POMK: variants seen among roughly 807,000 people sequenced by gnomAD.
POMK encodes Sugen kinase 196.
POMK carries 19 observed loss-of-function variants against 23.0 expected under a neutral mutation model. The observed-to-expected ratio is 0.83, with a 90% CI of 0.58 to 1.21. The LOEUF is 1.21. Ranked by LOEUF, POMK falls within the 50% of genes most tolerant of loss-of-function variation. POMK has a pLI of 0.00. For synonymous variants in POMK, 173 were observed against 171.6 expected (o/e 1.01, Z -0.06); for missense variants, 410 against 431.3 (o/e 0.95, Z 0.44).
rs1420479544 is a variant in POMK, at chr8:43,122,163, G to A, written c.339G>A (p.Leu113=). 1.2e-6 allele frequency: 2 copies of A among 1,614,058 alleles called. No homozygotes were observed. The change falls in exon 5 of 5, where the codon CTG becomes CTA. Residue 113 remains leucine (L), a synonymous_variant. Transcript: ENST00000331373. ...TTGCACTCTCACAGCTCACCAGCCTGGAGATGAAAGATGATTTCCTCCATG... is the reference window on the plus strand; with the variant it reads ...TTGCACTCTCACAGCTCACCAGCCTAGAGATGAAAGATGATTTCCTCCATG... The part of the protein sequence containing the change: ...HKVALSQLTS[L]EMKDDFLHGL...
chr8:43,114,529 T>G (rs1316630234), intron 4 of POMK, among the ~76,000 whole-genome samples: 2 of 152,198 alleles, frequency 1.3e-5, no homozygotes, highest in Admixed American at 6.5e-5. Context: ...TTTCTTTGAC[T>G]AGGAAAGGGA....
intron 4 of POMK, among the ~76,000 whole-genome samples, chr8:43,113,182 C>T (rs1811716302): frequency 6.6e-6 from 1 of 152,184 alleles, no homozygotes; most frequent in Non-Finnish European, 1.5e-5. Context: ...TGGAAGTTCT[C>T]CTGGATAATA....
At chr8:43,100,115 G>T (rs1390025849) in intron 2 of POMK, among the ~76,000 whole-genome samples, 1 of 152,176 alleles carries the variant, frequency 6.6e-6, no homozygotes, top group Non-Finnish European at 1.5e-5. Context: ...CAGGGAGCTG[G>T]GGATGGAAGT....
At position 43,122,891 on chromosome 8, in the gene POMK, C is replaced by A; in HGVS notation, c.*14C>A. ...GAGATGCTGTGAAAACCAGTCCAGC[C>A]AATGAAGGTGGGATTGAAGGGCTGA... On this transcript the variant is annotated 3_prime_UTR_variant, in exon 5 of 5. Transcript: ENST00000331373. 1 of 1,589,486 alleles carries A rather than the reference C, an allele frequency of 6.3e-7. No homozygotes were observed. The highest frequency in any genetic ancestry group is 8.5e-7 in the Non-Finnish European group (1 of 1,169,664).
chr8:43,093,934 C>T (rs1487670734), intron 1 of POMK, among the ~76,000 whole-genome samples: 1 of 152,228 alleles, frequency 6.6e-6, no homozygotes, highest in South Asian at 2.1e-4. Flanking sequence ...AGCACTTAGC[C>T]GGGCGCGGTG....
intron 4 of POMK, among the ~76,000 whole-genome samples, chr8:43,114,433 C>T (rs973704463): frequency 2.0e-5 from 3 of 152,156 alleles, no homozygotes; most frequent in African/African-American, 7.2e-5. Context: ...GATATAATCT[C>T]CTGGTGTGCC....
At chr8:43,096,665 C>A (rs756213494) in intron 1 of POMK, among the ~76,000 whole-genome samples, 2 of 150,720 alleles carry the variant, frequency 1.3e-5, no homozygotes, top group Admixed American at 6.6e-5. Context: ...GAGTGAGACT[C>A]CTTCTCAAAA....
At chr8:43,116,815 G>A (rs189822070) in intron 4 of POMK, among the ~76,000 whole-genome samples, 2 of 152,138 alleles carry the variant, frequency 1.3e-5, no homozygotes, top group Non-Finnish European at 2.9e-5. Flanking sequence ...ATGCATGTCC[G>A]TGTGAAGAGA....
Position 43,103,791 on chromosome 8 carries a change from GA to G in POMK, c.244del (p.Arg82AspfsTer3). 1 of 1,614,236 alleles carries G rather than the reference GA, an allele frequency of 6.2e-7. No individual in the cohort carries two copies. The highest frequency in any genetic ancestry group is 8.5e-7 in the Non-Finnish European group (1 of 1,180,044). ...CCTGCGAGGAGCTGAGAACAGAAGT[GA>G]GACAGCTGAAGCGTGTTGGGGAAGG... is the stretch of plus-strand genomic sequence containing the variant. ...LSCEELRTEV[R>X]QLKRVGEGAV... On this transcript the variant is annotated frameshift_variant, in exon 4 of 5. Transcript: ENST00000331373. LOFTEE classifies it high-confidence loss of function.
At chr8:43,101,732 G>A (rs1467673308) in intron 2 of POMK, among the ~76,000 whole-genome samples, 1 of 152,186 alleles carries the variant, frequency 6.6e-6, no homozygotes, top group Non-Finnish European at 1.5e-5. Flanking sequence ...CAACTGATAA[G>A]ACTTCAAACT....
chr8:43,103,968 C>A, intron 4 of POMK, 138 bp downstream of exon 4: 1 of 857,188 alleles, frequency 1.2e-6, no homozygotes, highest in Non-Finnish European at 1.8e-6. Flanking sequence ...TGCATATGTG[C>A]ACCACATTTG....
At chr8:43,113,727 C>A (rs1811731905) in intron 4 of POMK, among the ~76,000 whole-genome samples, 1 of 152,080 alleles carries the variant, frequency 6.6e-6, no homozygotes, top group Non-Finnish European at 1.5e-5. Flanking sequence ...TGTTTTTTCC[C>A]CATCTTTGTG....
At chr8:43,115,055 AT>A (rs1377712776) in intron 4 of POMK, among the ~76,000 whole-genome samples, 1 of 152,192 alleles carries the variant, frequency 6.6e-6, no homozygotes, top group Non-Finnish European at 1.5e-5. Context: ...TTTCTCTTAA[AT>A]TATTTTGTAG....
chr8:43,111,511 C>A (rs1040942192), intron 4 of POMK, among the ~76,000 whole-genome samples: 1 of 152,176 alleles, frequency 6.6e-6, no homozygotes, highest in Non-Finnish European at 1.5e-5. Flanking sequence ...CACAGACAAA[C>A]AAAAGACAGT....
intron 4 of POMK, 31 bp downstream of exon 4, chr8:43,103,861 A>G (rs759851830): frequency 1.2e-6 from 2 of 1,608,148 alleles, no homozygotes; most frequent in South Asian, 1.1e-5. Context: ...GATTGCTGTC[A>G]TCCTGTTATT....
rs1308353537 is a variant in POMK at position 43,103,408 on chromosome 8, C to A, written c.-21-120C>A. 6 of 888,804 alleles carry A rather than the reference C, an allele frequency of 6.8e-6. No homozygotes were observed. The Admixed American group carries it at 1.4e-4, about 20-fold the overall frequency. The allele number at this position is 888,804 out of a possible 1,614,324, so 55.1% of individuals were successfully genotyped here. A position where few individuals can be genotyped will look rare whatever the true frequency, so the allele number is the denominator to read the frequency against. The stretch of plus-strand genomic sequence containing the variant: ...CTGGTGTTCGATACCTGCTTTAATC[C>A]CCACGGTAACGCTGCAGCTTACAGG... On this transcript the variant is annotated intron_variant, in intron 3 of 4. Transcript: ENST00000331373.
intron 4 of POMK, among the ~76,000 whole-genome samples, chr8:43,117,019 T>C (rs1200733029): frequency 6.6e-6 from 1 of 151,500 alleles, no homozygotes; most frequent in Non-Finnish European, 1.5e-5. Context: ...AGGTGCTCAG[T>C]GGGGGAGCTT....
At chr8:43,106,958 G>A (rs1253330076) in intron 4 of POMK, among the ~76,000 whole-genome samples, 4 of 152,204 alleles carry the variant, frequency 2.6e-5, no homozygotes, top group African/African-American at 9.7e-5. Flanking sequence ...TTGACCCTAA[G>A]GTGAGAGGAG....
intron 4 of POMK, among the ~76,000 whole-genome samples, chr8:43,106,344 AT>A: frequency 6.6e-6 from 1 of 151,478 alleles, no homozygotes; most frequent in East Asian, 1.9e-4. Context: ...TCATATTGTT[AT>A]TTTTTTCTGT....
Sources: allele counts gnomAD v4.1 joint callset (sites outside exome capture counted in the v4.1 genomes callset), GRCh38; gene constraint gnomAD v4.1.1; transcripts MANE v1.5; gene names NCBI Gene and HGNC (gene_info 2026-07-23, HGNC 2026-07-21).